NLGN1: variants seen among roughly 807,000 people sequenced by gnomAD.
NLGN1 encodes neuroligin 1.
NLGN1 carries 12 observed loss-of-function variants against 65.5 expected under a neutral mutation model. The observed-to-expected ratio is 0.18, with a 90% confidence interval of 0.12 to 0.30. NLGN1 has a LOEUF of 0.30. Among genes scored for constraint, NLGN1 ranks in the 10% least tolerant of loss-of-function variants. NLGN1 has a pLI of 1.00. For missense variants in NLGN1, 750 were observed against 1,007.1 expected (o/e 0.74, Z 3.46); for synonymous variants, 350 against 359.5 (o/e 0.97, Z 0.30).
At chr3:174,208,515 A>G (rs1444376938) in intron 4 of NLGN1, among the ~76,000 whole-genome samples, 2 of 152,196 alleles carry the variant, frequency 1.3e-5, no homozygotes, top group Non-Finnish European at 2.9e-5. Context: ...AGGGTCAGAT[A>G]TAGGGCAGGT....
At chr3:173,568,102 A>G (rs1360076066) in intron 2 of NLGN1, among the ~76,000 whole-genome samples, 1 of 152,094 alleles carries the variant, frequency 6.6e-6, no homozygotes, top group Non-Finnish European at 1.5e-5. Context: ...TAGTGACAAC[A>G]CTTAAAATCT....
intron 4 of NLGN1, among the ~76,000 whole-genome samples, chr3:174,122,616 T>G (rs1718014461): frequency 6.6e-6 from 1 of 152,166 alleles, no homozygotes; most frequent in Non-Finnish European, 1.5e-5. Context: ...TGACGCAGCC[T>G]CATGATCATC....
intron 3 of NLGN1, among the ~76,000 whole-genome samples, chr3:173,698,565 T>C (rs1766599019): frequency 6.6e-6 from 1 of 152,204 alleles, no homozygotes; most frequent in South Asian, 2.1e-4. Context: ...ATTTGTTCAG[T>C]TCTCAGTATA....
intron 4 of NLGN1, among the ~76,000 whole-genome samples, chr3:174,257,574 A>G (rs759961720): frequency 1.3e-5 from 2 of 152,198 alleles, no homozygotes; most frequent in Non-Finnish European, 2.9e-5. Flanking sequence ...AATACTATGC[A>G]GCCAATAAAA....
Position 173,925,734 on chromosome 3 carries a change from T to G in NLGN1, c.646+117902T>G, listed in dbSNP as rs1243628082. On this transcript the variant is annotated intron_variant, in intron 4 of 6. Transcript: ENST00000457714. Reference sequence around the variant, plus strand: ...ATCTGTTGACAAACATATATGTAAGTGTATTCTAAGAAGATTAATTATTTA... The same window carrying G: ...ATCTGTTGACAAACATATATGTAAGGGTATTCTAAGAAGATTAATTATTTA... 2.6e-5 allele frequency among the ~76,000 whole-genome samples: 4 copies of G among 152,290 alleles called. No individual in the cohort carries two copies. The East Asian group carries it at 7.7e-4, about 29-fold the overall frequency.
At chr3:174,137,013 C>T (rs1278331313) in intron 4 of NLGN1, among the ~76,000 whole-genome samples, 1 of 152,060 alleles carries the variant, frequency 6.6e-6, no homozygotes, top group Admixed American at 6.6e-5. Context: ...TTACATTAGT[C>T]TACAGAGGCA....
intron 3 of NLGN1, among the ~76,000 whole-genome samples, chr3:173,761,214 A>G (rs1265139087): frequency 6.6e-6 from 1 of 152,038 alleles, no homozygotes; most frequent in Non-Finnish European, 1.5e-5. Context: ...ATGCTAAAGA[A>G]CACTGAGATG....
chr3:173,489,339 G>T (rs1414642601), intron 2 of NLGN1, among the ~76,000 whole-genome samples: 1 of 151,782 alleles, frequency 6.6e-6, no homozygotes, highest in Admixed American at 6.6e-5. Flanking sequence ...GTGGTGTTTG[G>T]GTTTTTGTCC....
chr3:173,830,525 C>G (rs984885699), intron 4 of NLGN1, among the ~76,000 whole-genome samples: 2 of 152,084 alleles, frequency 1.3e-5, no homozygotes, highest in Non-Finnish European at 2.9e-5. Flanking sequence ...CATTATCCAT[C>G]TATTTGGGAC....
At chr3:174,128,424 G>A (rs1437509801) in intron 4 of NLGN1, among the ~76,000 whole-genome samples, 3 of 152,046 alleles carry the variant, frequency 2.0e-5, no homozygotes, top group Admixed American at 6.6e-5. Context: ...AAATTTTAAC[G>A]TTTTCTGAAA....
intron 3 of NLGN1, among the ~76,000 whole-genome samples, chr3:173,783,020 G>A (rs200605694): frequency 7.0e-6 from 1 of 143,824 alleles, no homozygotes; most frequent in Non-Finnish European, 1.5e-5. Context: ...AAATATATAT[G>A]TATAATTTAT....
At chr3:173,783,355 G>A (rs1341777500) in intron 3 of NLGN1, among the ~76,000 whole-genome samples, 2 of 152,120 alleles carry the variant, frequency 1.3e-5, no homozygotes, top group Non-Finnish European at 2.9e-5. Context: ...TAGCAGATAC[G>A]CTACTGTTGC....
chr3:174,135,703 C>A (rs1721082799), intron 4 of NLGN1, among the ~76,000 whole-genome samples: 1 of 152,112 alleles, frequency 6.6e-6, no homozygotes, highest in Non-Finnish European at 1.5e-5. Flanking sequence ...GGAATCGTCA[C>A]TGTGGTCATT....
intron 3 of NLGN1, among the ~76,000 whole-genome samples, chr3:173,698,552 C>G (rs542056098): frequency 2.0e-5 from 3 of 152,266 alleles, no homozygotes; most frequent in African/African-American, 7.2e-5. Context: ...CATTGGCCAT[C>G]ATATTTGTTC....
chr3:174,105,365 C>T (rs1450563253), intron 4 of NLGN1, among the ~76,000 whole-genome samples: 1 of 152,002 alleles, frequency 6.6e-6, no homozygotes, highest in African/African-American at 2.4e-5. Flanking sequence ...TGGTTAAACC[C>T]TGTCTCTACA....
intron 3 of NLGN1, among the ~76,000 whole-genome samples, chr3:173,630,157 T>A (rs1755455221): frequency 6.6e-6 from 1 of 151,920 alleles, no homozygotes; most frequent in African/African-American, 2.4e-5. Context: ...TTTTAGAAGT[T>A]ATTACCAAGT....
At chr3:173,770,347 C>G (rs6779230) in intron 3 of NLGN1, among the ~76,000 whole-genome samples, 1 of 151,956 alleles carries the variant, frequency 6.6e-6, no homozygotes, top group East Asian at 1.9e-4. Context: ...CCAAGGTTAC[C>G]TGCACAGATA....
intron 3 of NLGN1, among the ~76,000 whole-genome samples, chr3:173,613,886 A>G (rs577832367): frequency 6.6e-6 from 1 of 152,158 alleles, no homozygotes; most frequent in South Asian, 2.1e-4. Context: ...ATCATTTTTA[A>G]AAGTAGAAAA....
At chr3:174,197,518 C>CAAAAAAA (rs10663769) in intron 4 of NLGN1, among the ~76,000 whole-genome samples, 3 of 100,410 alleles carry the variant, frequency 3.0e-5, no homozygotes, top group African/African-American at 4.2e-5. Flanking sequence ...TACTTAACCT[C>CAAAAAAA]AAAAAAAAAA....
Sources: gnomAD v4.1 joint callset for allele counts (sites outside exome capture counted in the v4.1 genomes callset) on GRCh38, gnomAD v4.1.1 for gene constraint, MANE v1.5 for transcripts, NCBI Gene and HGNC (gene_info 2026-07-23, HGNC 2026-07-21) for gene names.